CAST: variants seen among roughly 807,000 people sequenced by gnomAD.
The protein encoded by CAST is MIR583 host.
A neutral mutation model predicts 119.6 loss-of-function variants in CAST; 76 were observed. The ratio of observed to expected loss-of-function variants is 0.64; its 90% confidence interval spans 0.53 to 0.77. The LOEUF is 0.77. CAST is among the 30% of genes least tolerant of loss of function. The pLI is 0.00. For synonymous variants in CAST, 319 were observed against 331.6 expected (o/e 0.96, Z 0.41); for missense variants, 953 against 946.5 (o/e 1.01, Z -0.09).
the CAST span, among the ~76,000 whole-genome samples, chr5:96,336,748 A>G: frequency 6.6e-6 from 1 of 152,220 alleles, no homozygotes; most frequent in Non-Finnish European, 1.5e-5. Context: ...CTTTGGGAAT[A>G]GAGATTTGGG....
chr5:96,450,272 T>TA, the CAST span, among the ~76,000 whole-genome samples: 1 of 152,150 alleles, frequency 6.6e-6, no homozygotes, highest in South Asian at 2.1e-4. Flanking sequence ...AAAAATAAAA[T>TA]AAAATTATGT....
the CAST span, among the ~76,000 whole-genome samples, chr5:96,494,507 C>G: frequency 2.7e-4 from 41 of 152,140 alleles, no homozygotes; most frequent in Non-Finnish European, 4.0e-4. Context: ...TACACAAAGA[C>G]TCTTGATATT....
chr5:96,602,068 C>T (rs747164984), intron 1 of CAST, among the ~76,000 whole-genome samples: 6 of 152,310 alleles, frequency 3.9e-5, no homozygotes, highest in Non-Finnish European at 7.3e-5. Context: ...GACTTACCCA[C>T]TCTGAACAGC....
At chr5:96,605,826 G>A (rs1044685550) in intron 1 of CAST, among the ~76,000 whole-genome samples, 3 of 152,116 alleles carry the variant, frequency 2.0e-5, no homozygotes, top group Admixed American at 2.0e-4. Flanking sequence ...TTAAACAGTG[G>A]ACTATAGAGA....
intron 2 of CAST, among the ~76,000 whole-genome samples, chr5:96,693,463 G>A (rs1338609674): frequency 6.6e-6 from 1 of 152,188 alleles, no homozygotes; most frequent in African/African-American, 2.4e-5. Context: ...TTGATGTAGC[G>A]AATGGAATCT....
At chr5:96,321,092 CT>C in the CAST span, among the ~76,000 whole-genome samples, 1 of 152,176 alleles carries the variant, frequency 6.6e-6, no homozygotes, top group African/African-American at 2.4e-5. Context: ...TCCAGGTTAC[CT>C]ACCTGTTTCA....
the CAST span, among the ~76,000 whole-genome samples, chr5:96,513,647 G>A: frequency 2.6e-5 from 4 of 152,140 alleles, no homozygotes; most frequent in Admixed American, 1.3e-4. Flanking sequence ...GTAGTTACTC[G>A]GCTCCACCCT....
chr5:96,120,863 T>C, the CAST span, among the ~76,000 whole-genome samples: 1 of 151,744 alleles, frequency 6.6e-6, no homozygotes, highest in South Asian at 2.1e-4. Flanking sequence ...CCATTTTCAC[T>C]GGCTTTTCCC....
chr5:96,736,167 A>G lies in CAST; in HGVS notation c.631-5A>G. The G allele has an allele frequency of 6.2e-7, 1 of 1,601,158 alleles. No individual in the cohort carries two copies. Among genetic ancestry groups the G allele is most frequent in the Non-Finnish European group, 8.5e-7 (1 of 1,170,552 alleles). On this transcript the variant is annotated splice_region_variant and splice_polypyrimidine_tract_variant and intron_variant, in intron 9 of 31. Coordinates refer to ENST00000675179, the MANE Select transcript of CAST (RefSeq NM_001750.7). ...AGGAGTTGTTAATTTCTCAATTCTC[A>G]CCAGAAAAAAGAAAAGAAATCATTA...
At chr5:96,726,665 C>A in intron 4 of CAST, 129 bp from the exon 5 acceptor site, 1 of 595,310 alleles carries the variant, frequency 1.7e-6, no homozygotes, top group Non-Finnish European at 2.9e-6. Flanking sequence ...TGGAGTTATA[C>A]ACATATGCAT....
At chr5:96,444,454 G>T in the CAST span, among the ~76,000 whole-genome samples, 1 of 152,086 alleles carries the variant, frequency 6.6e-6, no homozygotes, top group East Asian at 1.9e-4. Flanking sequence ...ACAATCTGCT[G>T]GTTTCTGTAA....
At chr5:96,164,330 A>G in the CAST span, among the ~76,000 whole-genome samples, 3 of 152,248 alleles carry the variant, frequency 2.0e-5, no homozygotes, top group Non-Finnish European at 4.4e-5. Context: ...TGTAACACAA[A>G]GTAGAAAGTG....
At chr5:96,680,354 C>CAAAAAAAAAAAAAAAAAAAA (rs71617135) in intron 2 of CAST, among the ~76,000 whole-genome samples, 4 of 29,270 alleles carry the variant, frequency 1.4e-4, no homozygotes, top group African/African-American at 3.0e-4. Context: ...GACTCTGTCT[C>CAAAAAAAAAAAAAAAAAAAA]AAAAAAAAAA....
chr5:95,982,914 A>T, the CAST span, among the ~76,000 whole-genome samples: 4 of 152,228 alleles, frequency 2.6e-5, no homozygotes, highest in Non-Finnish European at 5.9e-5. Flanking sequence ...TATAATGATC[A>T]AAAAGCGTGA....
At chr5:96,547,497 C>T (rs1561412665) in intron 1 of CAST, among the ~76,000 whole-genome samples, 1 of 152,230 alleles carries the variant, frequency 6.6e-6, no homozygotes, top group South Asian at 2.1e-4. Flanking sequence ...TGGCCCTGAA[C>T]AGATTGGATG....
the CAST span, among the ~76,000 whole-genome samples, chr5:96,476,391 GTC>G: frequency 6.6e-6 from 1 of 152,028 alleles, no homozygotes; most frequent in African/African-American, 2.4e-5. Flanking sequence ...ATTCGAAAAA[GTC>G]TCATGGTCAT....
the CAST span, among the ~76,000 whole-genome samples, chr5:96,220,602 C>A: frequency 1.3e-5 from 2 of 152,164 alleles, no homozygotes; most frequent in African/African-American, 4.8e-5. Context: ...GGCCTTCTGA[C>A]TCTGTTTCAA....
intron 2 of CAST, among the ~76,000 whole-genome samples, chr5:96,680,457 C>A (rs1561466474): frequency 6.7e-6 from 1 of 149,906 alleles, no homozygotes; most frequent in Non-Finnish European, 1.5e-5. Flanking sequence ...GCACTATGTA[C>A]ATCTTGGTGT....
the CAST span, among the ~76,000 whole-genome samples, chr5:96,137,856 T>C: frequency 1.3e-5 from 2 of 152,070 alleles, no homozygotes; most frequent in African/African-American, 2.4e-5. Context: ...CTATTGTTGA[T>C]TTTTAAGTGT....
Sources: allele counts gnomAD v4.1 joint callset (sites outside exome capture counted in the v4.1 genomes callset), GRCh38; gene constraint gnomAD v4.1.1; transcripts MANE v1.5; gene names NCBI Gene and HGNC (gene_info 2026-07-23, HGNC 2026-07-21).